Variants in SMURF2 observed in about 807,000 individuals in gnomAD.
The protein encoded by SMURF2 is E3 ubiquitin-protein ligase SMURF2.
Under a neutral mutation model 109.6 loss-of-function variants are expected in SMURF2, and 48 were observed. The ratio of observed to expected loss-of-function variants is 0.44; its 90% CI spans 0.35 to 0.56. The LOEUF (loss-of-function observed/expected upper bound fraction) is 0.56. SMURF2 is among the 20% of genes least tolerant of loss of function. The probability of loss-of-function intolerance (pLI) is 0.01; values close to 1 mark genes in which losing one functional copy is unlikely to be tolerated. For missense variants in SMURF2, 575 were observed against 909.0 expected, an observed-to-expected ratio of 0.63 and a Z score of 4.72; for synonymous variants, 288 against 317.1, an observed-to-expected ratio of 0.91 and a Z score of 0.97.
intron 1 of SMURF2, among the ~76,000 whole-genome samples, chr17:64,653,686 A>G (rs1306498232): frequency 3.9e-5 from 6 of 152,096 alleles, no homozygotes; most frequent in Admixed American, 1.3e-4. Context: ...GGGCTCAAGC[A>G]ATCCGCCCAG....
intron 9 of SMURF2, among the ~76,000 whole-genome samples, chr17:64,573,664 G>A (rs965897992): frequency 1.3e-5 from 2 of 152,128 alleles, no homozygotes; most frequent in African/African-American, 4.8e-5. Context: ...TGGCAGGTAG[G>A]CAGAAGGGCA....
At chr17:64,622,196 T>C (rs149803808) in intron 1 of SMURF2, among the ~76,000 whole-genome samples, 1 of 151,952 alleles carries the variant, frequency 6.6e-6, no homozygotes, top group African/African-American at 2.4e-5. Context: ...AATTCATAAA[T>C]GTAATAAACT....
intron 8 of SMURF2, among the ~76,000 whole-genome samples, chr17:64,579,208 A>G (rs1189156071): frequency 6.6e-6 from 1 of 152,154 alleles, no homozygotes; most frequent in East Asian, 1.9e-4. Context: ...ATGAACTCAA[A>G]ATCCTTGGGA....
intron 10 of SMURF2, among the ~76,000 whole-genome samples, chr17:64,568,888 GCTA>G (rs1969356059): frequency 6.6e-6 from 1 of 152,108 alleles, no homozygotes; most frequent in African/African-American, 2.4e-5. Flanking sequence ...TGTAGTCCCA[GCTA>G]CTCAGGAGGC....
chr17:64,623,082 G>C (rs973627632), intron 1 of SMURF2, among the ~76,000 whole-genome samples: 35 of 152,108 alleles, frequency 2.3e-4, no homozygotes, highest in Non-Finnish European at 7.4e-5. Flanking sequence ...TGAGGGGAAA[G>C]GAAGAGCTCT....
intron 9 of SMURF2, among the ~76,000 whole-genome samples, chr17:64,573,695 T>C (rs1478462112): frequency 6.6e-6 from 1 of 152,098 alleles, no homozygotes; most frequent in Non-Finnish European, 1.5e-5. Context: ...AAGACTGGGA[T>C]AGGAAACCTG....
chr17:64,542,687 C>T lies in SMURF2; in HGVS notation c.*3161G>A, dbSNP rs1210826376. ...GGATGGTTGGAACAGCCTCTAACTC[C>T]CAACAATCCAATCAGTCCAATGCAC... On this transcript the variant is annotated 3_prime_UTR_variant, in exon 19 of 19. Coordinates refer to ENST00000262435, the MANE Select transcript of SMURF2 (RefSeq NM_022739.4). 2 of 152,088 alleles carry T rather than the reference C, an allele frequency of 1.3e-5. No homozygotes were observed. The highest frequency in any genetic ancestry group is 2.9e-5 in the Non-Finnish European group (2 of 68,030). The allele number at this position is 152,088 out of a possible 1,614,324, so 9.4% of individuals were successfully genotyped here. A position where few individuals can be genotyped will look rare whatever the true frequency, so the allele number is the denominator to read the frequency against.
intron 1 of SMURF2, among the ~76,000 whole-genome samples, chr17:64,630,208 C>T (rs1027698762): frequency 2.0e-5 from 3 of 151,672 alleles, no homozygotes; most frequent in Non-Finnish European, 4.4e-5. Context: ...TGTACTCCAG[C>T]CTGGGCAACA....
At chr17:64,565,622 A>G (rs1404322967) in intron 10 of SMURF2, among the ~76,000 whole-genome samples, 10 of 152,034 alleles carry the variant, frequency 6.6e-5, no homozygotes, top group Non-Finnish European at 8.8e-5. Context: ...GAAAAAAAAA[A>G]ACCTCCATAG....
chr17:64,657,409 A>C (rs192538127), intron 1 of SMURF2, among the ~76,000 whole-genome samples: 140 of 152,238 alleles, frequency 9.2e-4, no homozygotes, highest in African/African-American at 3.0e-3. Flanking sequence ...AGGCTCAAAT[A>C]GGCCAGGCAT....
rs1395406794 is a variant in SMURF2 at position 64,661,900 on chromosome 17, G to GCGGGGGCGGCGGGCGGCA, written c.-38_-21dup. The stretch of plus-strand genomic sequence containing the variant: ...AGACATGTCCCCGGCGGCGGGGGCG[G>GCGGGGGCGGCGGGCGGCA]CGGGGGCGGCGGGCGGCACGGGGGC... On this transcript the variant is annotated 5_prime_UTR_variant, in exon 1 of 19. Coordinates refer to ENST00000262435, the MANE Select transcript of SMURF2 (RefSeq NM_022739.4). 6 of 1,186,980 alleles carry GCGGGGGCGGCGGGCGGCA rather than the reference G, an allele frequency of 5.1e-6. No individual in the cohort carries two copies. In the African/African-American group the frequency reaches 8.0e-5, roughly 16 times the overall value. 73.5% of individuals were successfully genotyped at this position (1,186,980 alleles called of 1,614,324 possible).
At position 64,542,680 on chromosome 17, in the gene SMURF2, C is replaced by CT. The variant is rs1968891092; in HGVS notation, c.*3167dup. 1.3e-5 allele frequency: 2 copies of CT among 152,182 alleles called. No individual in the cohort carries two copies. The highest frequency in any genetic ancestry group is 4.8e-5 in the African/African-American group (2 of 41,448). The allele number at this position is 152,182 out of a possible 1,614,324, so 9.4% of individuals were successfully genotyped here. On this transcript the variant is annotated 3_prime_UTR_variant, in exon 19 of 19. Transcript: ENST00000262435. ...AAACTAAGGATGGTTGGAACAGCCT[C>CT]TAACTCCCAACAATCCAATCAGTCC...
intron 4 of SMURF2, 52 bp downstream of exon 4, chr17:64,593,386 TAC>T (rs570673327): frequency 1.4e-4 from 210 of 1,511,586 alleles, no homozygotes; most frequent in African/African-American, 2.8e-4. Context: ...CAAATACATA[TAC>T]ACACACACAC....
chr17:64,548,746 T>C (rs1196373158), intron 16 of SMURF2, among the ~76,000 whole-genome samples: 2 of 152,164 alleles, frequency 1.3e-5, no homozygotes, highest in Non-Finnish European at 2.9e-5. Context: ...AGCACATTGA[T>C]ACAGACCTCT....
In SMURF2 at chr17:64,640,003, ATTAGT is replaced by A. The variant is rs535657129; in HGVS notation, c.52+21821_52+21825del. On this transcript the variant is annotated intron_variant, in intron 1 of 18. Transcript: ENST00000262435. ...AACAAATATACCATACTAATGTAAGATTAGTTTAGTTAATAGGGAAAACTGGTTAT... is the reference window on the plus strand; with the variant it reads ...AACAAATATACCATACTAATGTAAGATTAGTTAATAGGGAAAACTGGTTAT... Among the ~76,000 whole-genome samples the A allele has an allele frequency of 2.3e-4, 35 of 152,356 alleles. No individual in the cohort carries two copies. The South Asian group carries it at 6.0e-3, about 26-fold the overall frequency.
chr17:64,567,300 T>C (rs542647861), intron 10 of SMURF2, among the ~76,000 whole-genome samples: 1 of 152,340 alleles, frequency 6.6e-6, no homozygotes, highest in East Asian at 1.9e-4. Flanking sequence ...ATGCTGGCCA[T>C]ATTAATGGAA....
At position 64,606,624 on chromosome 17, in the gene SMURF2, G is replaced by A. The variant is rs1179103756; in HGVS notation, c.69C>T (p.Asn23=). The stretch of plus-strand genomic sequence containing the variant: ...TACGGAAAAAATCCTTTTTCACCAG[G>A]TTTTTTGCACAGAGTACTGTAAAAA... ...KLRLTVLCAK[N]LVKKDFFRLP... Residue 23 remains asparagine, a synonymous_variant, in exon 2 of 19, where the codon AAC becomes AAT. Transcript: ENST00000262435. 6.5e-7 allele frequency: 1 copy of A among 1,537,534 alleles called. No individual in the cohort carries two copies. Among genetic ancestry groups the A allele is most frequent in the Non-Finnish European group, 8.8e-7 (1 of 1,132,982 alleles).
Position 64,547,536 on chromosome 17 carries a change from A to C in SMURF2, c.2071+64T>G. On this transcript the variant is annotated intron_variant, in intron 17 of 18. Coordinates refer to ENST00000262435, the MANE Select transcript of SMURF2 (RefSeq NM_022739.4). The surrounding 1 kb of genome is among the most constrained non-coding windows in gnomAD (Gnocchi z 4.2). Reference sequence around the variant, plus strand: ...CACATGGTTTACAAAATATCTCCACAGACCCCACGCTGACAGCCCCGCCCC... The same window carrying C: ...CACATGGTTTACAAAATATCTCCACCGACCCCACGCTGACAGCCCCGCCCC... The C allele has an allele frequency of 7.3e-7, 1 of 1,374,970 alleles. No individual in the cohort carries two copies. The highest frequency in any genetic ancestry group is 1.4e-5 in the African/African-American group (1 of 70,194). 85.2% of individuals were successfully genotyped at this position (1,374,970 alleles called of 1,614,324 possible).
At chr17:64,625,483 A>G (rs1370957645) in intron 1 of SMURF2, among the ~76,000 whole-genome samples, 2 of 152,242 alleles carry the variant, frequency 1.3e-5, no homozygotes, top group Admixed American at 1.3e-4. Flanking sequence ...ACACATGAAC[A>G]TGCTTCTAAT....
Sources: allele counts gnomAD v4.1 joint callset (sites outside exome capture counted in the v4.1 genomes callset), GRCh38; gene constraint gnomAD v4.1.1; non-coding constraint Gnocchi (gnomAD v3.1); transcripts MANE v1.5; gene names NCBI Gene and HGNC (gene_info 2026-07-23, HGNC 2026-07-21).